Variants in ATXN7L1 observed in about 807,000 individuals in gnomAD.
ATXN7L1 encodes the protein ataxin-7-like protein 1.
A neutral mutation model predicts 70.8 loss-of-function variants in ATXN7L1; 15 were observed. The ratio of observed to expected loss-of-function variants is 0.21; its 90% CI spans 0.14 to 0.33. The LOEUF is 0.33. ATXN7L1 is among the 10% of genes least tolerant of loss of function. The pLI, the probability that ATXN7L1 is intolerant of heterozygous loss-of-function variation, is 1.00. For missense variants in ATXN7L1, 975 were observed against 1,097.1 expected, an observed-to-expected ratio of 0.89 and a Z score of 1.57; for synonymous variants, 440 against 445.1, an observed-to-expected ratio of 0.99 and a Z score of 0.14.
At chr7:105,759,447 T>TGA (rs1303192041) in intron 3 of ATXN7L1, among the ~76,000 whole-genome samples, 21 of 114,246 alleles carry the variant, frequency 1.8e-4, no homozygotes, top group Admixed American at 1.7e-3. Flanking sequence ...GCTTGGATAG[T>TGA]GAGTGTGTGT....
rs544651 is a variant in ATXN7L1, at chr7:105,656,566, C to T, written c.578+8500G>A. On this transcript the variant is annotated intron_variant, in intron 4 of 11. Transcript: ENST00000419735. ...ATGGCAATGCTCTGTTTTCCCCTTT[C>T]TTCTTCTTCCTTTTTTTTTTTTTTG... Among the ~76,000 whole-genome samples, 190 of 133,276 alleles carry T rather than the reference C, an allele frequency of 1.4e-3. 1 individual carries two copies. Among genetic ancestry groups the T allele is most frequent in the Middle Eastern group, 7.8e-3 (2 of 258 alleles). 87.4% of individuals were successfully genotyped at this position (133,276 alleles called of 152,430 possible).
intron 3 of ATXN7L1, among the ~76,000 whole-genome samples, chr7:105,785,216 A>G (rs1355216172): frequency 1.3e-5 from 2 of 152,258 alleles, no homozygotes; most frequent in East Asian, 3.8e-4. Context: ...CTGTAATCCC[A>G]GCACTTTGGG....
At chr7:105,786,430 G>A (rs192056823) in intron 3 of ATXN7L1, among the ~76,000 whole-genome samples, 19 of 152,282 alleles carry the variant, frequency 1.2e-4, no homozygotes, top group Admixed American at 5.2e-4. Context: ...GGACAGCGGG[G>A]TCCCATGTTT....
chr7:105,826,046 T>C (rs78678592), intron 2 of ATXN7L1, among the ~76,000 whole-genome samples: 1 of 152,144 alleles, frequency 6.6e-6, no homozygotes, highest in Non-Finnish European at 1.5e-5. Flanking sequence ...GAAGTACTCA[T>C]ATATATACCC....
At chr7:105,623,204 T>C (rs965391893) in intron 8 of ATXN7L1, among the ~76,000 whole-genome samples, 1 of 152,128 alleles carries the variant, frequency 6.6e-6, no homozygotes, top group Admixed American at 6.5e-5. Flanking sequence ...GGAAGAGGGA[T>C]TCACTCGATC....
chr7:105,787,798 A>G (rs945517815), intron 3 of ATXN7L1, among the ~76,000 whole-genome samples: 3 of 152,224 alleles, frequency 2.0e-5, no homozygotes, highest in African/African-American at 7.2e-5. Context: ...TATGTTCATC[A>G]AAAGGGAATA....
chr7:105,709,494 C>T (rs942979036), intron 3 of ATXN7L1, among the ~76,000 whole-genome samples: 7 of 152,048 alleles, frequency 4.6e-5, no homozygotes, highest in African/African-American at 1.7e-4. Context: ...CAACCCGAAG[C>T]CCACACCCCA....
intron 2 of ATXN7L1, among the ~76,000 whole-genome samples, chr7:105,794,144 G>A (rs1805661363): frequency 6.6e-6 from 1 of 152,010 alleles, no homozygotes. Context: ...TTAAGTTCAG[G>A]ACTGTTCAAT....
chr7:105,700,912 G>A (rs1318382832), intron 3 of ATXN7L1, among the ~76,000 whole-genome samples: 1 of 152,124 alleles, frequency 6.6e-6, no homozygotes, highest in African/African-American at 2.4e-5. Flanking sequence ...GAACTCCTGA[G>A]TTCAAGTGAT....
intron 7 of ATXN7L1, among the ~76,000 whole-genome samples, chr7:105,632,689 G>A (rs1021927662): frequency 3.9e-5 from 6 of 152,118 alleles, no homozygotes; most frequent in Non-Finnish European, 7.3e-5. Flanking sequence ...TTGGGAGGCT[G>A]AGGGCAGGTT....
intron 2 of ATXN7L1, among the ~76,000 whole-genome samples, chr7:105,795,815 A>T (rs1805907864): frequency 6.6e-6 from 1 of 152,248 alleles, no homozygotes; most frequent in South Asian, 2.1e-4. Flanking sequence ...CTTGGAAAAA[A>T]TAACACAGCT....
intron 5 of ATXN7L1, among the ~76,000 whole-genome samples, chr7:105,640,647 C>G (rs2115911886): frequency 6.6e-6 from 1 of 152,334 alleles, no homozygotes; most frequent in East Asian, 1.9e-4. Context: ...GCCTCAACCT[C>G]CTGAGTAGCT....
At chr7:105,675,630 A>C (rs947786816) in intron 3 of ATXN7L1, among the ~76,000 whole-genome samples, 3 of 152,168 alleles carry the variant, frequency 2.0e-5, no homozygotes, top group Non-Finnish European at 4.4e-5. Context: ...TCTCAAAAAA[A>C]AGAAAAAAAA....
chr7:105,768,701 A>C (rs1334557254), intron 3 of ATXN7L1, among the ~76,000 whole-genome samples: 1 of 152,232 alleles, frequency 6.6e-6, no homozygotes, highest in Non-Finnish European at 1.5e-5. Flanking sequence ...TTCTGATAGA[A>C]TCTTCTGGCC....
intron 3 of ATXN7L1, among the ~76,000 whole-genome samples, chr7:105,774,131 C>T (rs1399820216): frequency 6.6e-6 from 1 of 152,132 alleles, no homozygotes; most frequent in African/African-American, 2.4e-5. Context: ...TCCTCACCAC[C>T]AAACCCTAGG....
intron 2 of ATXN7L1, among the ~76,000 whole-genome samples, chr7:105,807,392 A>G (rs1045372298): frequency 3.3e-5 from 5 of 152,184 alleles, no homozygotes; most frequent in African/African-American, 1.2e-4. Flanking sequence ...AGAGCCTTTC[A>G]TTTCTTCCTT....
chr7:105,786,997 G>A (rs967228145), intron 3 of ATXN7L1, among the ~76,000 whole-genome samples: 1 of 152,146 alleles, frequency 6.6e-6, no homozygotes, highest in Admixed American at 6.5e-5. Flanking sequence ...TGAACCACTG[G>A]CTGGGTGGGA....
At chr7:105,741,304 C>A (rs889043789) in intron 3 of ATXN7L1, among the ~76,000 whole-genome samples, 1 of 152,124 alleles carries the variant, frequency 6.6e-6, no homozygotes, top group Admixed American at 6.5e-5. Flanking sequence ...TCTCTCCTTC[C>A]CCCACTGAAC....
intron 3 of ATXN7L1, among the ~76,000 whole-genome samples, chr7:105,716,781 G>A (rs1794616823): frequency 6.6e-6 from 1 of 151,798 alleles, no homozygotes; most frequent in South Asian, 2.1e-4. Flanking sequence ...TTGAGGGGGT[G>A]AGGCAGGAGG....
Sources: allele counts gnomAD v4.1 joint callset (sites outside exome capture counted in the v4.1 genomes callset), GRCh38; gene constraint gnomAD v4.1.1; transcripts MANE v1.5; gene names NCBI Gene and HGNC (gene_info 2026-07-23, HGNC 2026-07-21).